MSRA: variants seen among roughly 807,000 people sequenced by gnomAD.
MSRA encodes the protein mitochondrial peptide methionine sulfoxide reductase.
In MSRA, 54 loss-of-function variants were observed where a neutral mutation model predicts 31.3. The ratio of observed to expected loss-of-function variants is 1.73; its 90% CI spans 1.39 to 2.17. The LOEUF (loss-of-function observed/expected upper bound fraction) is 2.17. Among genes scored for constraint, MSRA ranks in the 30% most tolerant of loss-of-function variants. The probability of loss-of-function intolerance (pLI) is 0.00; values close to 1 mark genes in which losing one functional copy is unlikely to be tolerated. For missense variants in MSRA, 507 were observed against 300.9 expected (o/e 1.69, Z -5.07); for synonymous variants, 169 against 116.5 (o/e 1.45, Z -2.90).
At chr8:10,269,411 C>T (rs1038772193) in intron 3 of MSRA, among the ~76,000 whole-genome samples, 2 of 152,220 alleles carry the variant, frequency 1.3e-5, no homozygotes, top group Non-Finnish European at 2.9e-5. Context: ...ATGGAAGAAA[C>T]AACCCGTGTT....
At chr8:10,359,769 G>A (rs1804733814) in intron 5 of MSRA, among the ~76,000 whole-genome samples, 1 of 152,116 alleles carries the variant, frequency 6.6e-6, no homozygotes, top group African/African-American at 2.4e-5. Flanking sequence ...CTCAGATGGA[G>A]GACGGTCTCA....
chr8:10,137,779 C>T (rs74357253), intron 1 of MSRA, among the ~76,000 whole-genome samples: 1 of 151,968 alleles, frequency 6.6e-6, no homozygotes, highest in Non-Finnish European at 1.5e-5. Flanking sequence ...CCAGGTAACC[C>T]CCTGAAACTT....
intron 2 of MSRA, among the ~76,000 whole-genome samples, chr8:10,221,433 T>G (rs970750164): frequency 7.2e-6 from 1 of 138,566 alleles, no homozygotes; most frequent in African/African-American, 2.5e-5. Context: ...TATGTATATA[T>G]GTGTATATAT....
chr8:10,296,569 A>G (rs1585396262), intron 3 of MSRA, among the ~76,000 whole-genome samples: 1 of 152,334 alleles, frequency 6.6e-6, no homozygotes, highest in South Asian at 2.1e-4. Flanking sequence ...AATTTTCCCC[A>G]TGTCATCACG....
chr8:10,420,992 G>A (rs1270179060), intron 5 of MSRA, among the ~76,000 whole-genome samples: 1 of 151,920 alleles, frequency 6.6e-6, no homozygotes, highest in Non-Finnish European at 1.5e-5. Flanking sequence ...GTGAGACCCT[G>A]TCTCCAAAAA....
intron 5 of MSRA, among the ~76,000 whole-genome samples, chr8:10,370,545 C>G (rs944098926): frequency 2.6e-5 from 4 of 152,348 alleles, no homozygotes; most frequent in South Asian, 2.1e-4. Flanking sequence ...GCAATAATTA[C>G]TGGCAGAGCA....
At chr8:10,383,619 A>T (rs1269865250) in intron 5 of MSRA, among the ~76,000 whole-genome samples, 1 of 152,058 alleles carries the variant, frequency 6.6e-6, no homozygotes, top group East Asian at 1.9e-4. Context: ...ACCATATTAG[A>T]CACCTTGAAG....
chr8:10,141,118 A>C (rs1452350924), intron 1 of MSRA, among the ~76,000 whole-genome samples: 1 of 152,188 alleles, frequency 6.6e-6, no homozygotes, highest in East Asian at 1.9e-4. Flanking sequence ...GCGCTCACCA[A>C]AGGAAATTCA....
chr8:10,295,914 T>C (rs1355559693), intron 3 of MSRA, among the ~76,000 whole-genome samples: 1 of 152,200 alleles, frequency 6.6e-6, no homozygotes, highest in Non-Finnish European at 1.5e-5. Context: ...CCTCAGCTCT[T>C]GCTCCTGTAG....
At chr8:10,226,515 G>A (rs190920930) in intron 2 of MSRA, among the ~76,000 whole-genome samples, 26 of 152,214 alleles carry the variant, frequency 1.7e-4, no homozygotes, top group African/African-American at 5.5e-4. Flanking sequence ...AACACCTACT[G>A]CAGTGTCATG....
At chr8:10,287,745 C>T (rs779416757) in intron 3 of MSRA, among the ~76,000 whole-genome samples, 2 of 152,056 alleles carry the variant, frequency 1.3e-5, no homozygotes, top group Non-Finnish European at 2.9e-5. Context: ...CCTGGATATC[C>T]TACAGGTGTG....
At chr8:10,247,498 A>G (rs1401555367) in intron 3 of MSRA, among the ~76,000 whole-genome samples, 1 of 152,234 alleles carries the variant, frequency 6.6e-6, no homozygotes, top group East Asian at 1.9e-4. Context: ...GATTAAGGAG[A>G]ATGCCAAGGA....
intron 5 of MSRA, among the ~76,000 whole-genome samples, chr8:10,380,462 T>C (rs1360708559): frequency 6.6e-6 from 1 of 152,198 alleles, no homozygotes; most frequent in Non-Finnish European, 1.5e-5. Context: ...ATTTCTTTCT[T>C]TAAGGCTATT....
intron 2 of MSRA, among the ~76,000 whole-genome samples, chr8:10,237,159 G>A (rs532852602): frequency 3.9e-5 from 6 of 152,330 alleles, no homozygotes; most frequent in Admixed American, 1.3e-4. Context: ...ACTAGGTTGA[G>A]TTTTTCTCCT....
chr8:10,210,363 C>G (rs1009352483), intron 2 of MSRA, among the ~76,000 whole-genome samples: 1 of 152,174 alleles, frequency 6.6e-6, no homozygotes, highest in Non-Finnish European at 1.5e-5. Flanking sequence ...TGCACTGGTT[C>G]AAGGAACCAT....
intron 1 of MSRA, among the ~76,000 whole-genome samples, chr8:10,201,506 G>A (rs1808500456): frequency 6.6e-6 from 1 of 152,162 alleles, no homozygotes; most frequent in African/African-American, 2.4e-5. Context: ...CTTACCCAGA[G>A]GATACGAATT....
At chr8:10,244,666 G>A (rs1228379916) in intron 2 of MSRA, among the ~76,000 whole-genome samples, 1 of 152,276 alleles carries the variant, frequency 6.6e-6, no homozygotes, top group East Asian at 1.9e-4. Flanking sequence ...GATTTTGGAA[G>A]TTTTCACATT....
At chr8:10,419,546 C>T (rs772035715) in intron 5 of MSRA, among the ~76,000 whole-genome samples, 4 of 152,170 alleles carry the variant, frequency 2.6e-5, no homozygotes, top group Non-Finnish European at 5.9e-5. Context: ...AAGAGAGGCA[C>T]CCTGCAATCC....
At chr8:10,368,589 T>C (rs1490657445) in intron 5 of MSRA, among the ~76,000 whole-genome samples, 1 of 152,250 alleles carries the variant, frequency 6.6e-6, no homozygotes, top group Non-Finnish European at 1.5e-5. Flanking sequence ...AATCTCTAGA[T>C]GCAAGTTTAA....
Sources: gnomAD v4.1 joint callset for allele counts (sites outside exome capture counted in the v4.1 genomes callset) on GRCh38, gnomAD v4.1.1 for gene constraint, MANE v1.5 for transcripts, NCBI Gene and HGNC (gene_info 2026-07-23, HGNC 2026-07-21) for gene names.